NR2F1: variants seen among roughly 807,000 people sequenced by gnomAD.
The protein encoded by NR2F1 is COUP transcription factor 1.
A neutral mutation model predicts 37.7 loss-of-function variants in NR2F1; 1 was observed. The ratio of observed to expected loss-of-function variants is 0.03; its 90% CI spans 0.01 to 0.13. The LOEUF is 0.13. Ranked by LOEUF, NR2F1 falls within the 10% of genes least tolerant of loss-of-function variation. The pLI is 1.00. For missense variants in NR2F1, 268 were observed against 578.4 expected, an observed-to-expected ratio of 0.46 and a Z score of 5.50; for synonymous variants, 275 against 259.6, an observed-to-expected ratio of 1.06 and a Z score of -0.57.
At chr5:93,585,803 C>T (rs1484147922) in intron 1 of NR2F1, among the ~76,000 whole-genome samples, 9 of 151,396 alleles carry the variant, frequency 5.9e-5, no homozygotes. Flanking sequence ...TGGATGTGCT[C>T]GGTGTGTGTC....
chr5:93,591,817 C>G (rs1010096484), intron 2 of NR2F1, among the ~76,000 whole-genome samples: 1 of 152,132 alleles, frequency 6.6e-6, no homozygotes, highest in Non-Finnish European at 1.5e-5. Flanking sequence ...GGGTCTGGGT[C>G]TGAGTGAGGG....
intron 1 of NR2F1, chr5:93,587,115 T>A (rs1303665549): frequency 6.6e-6 from 1 of 152,006 alleles, no homozygotes; most frequent in Non-Finnish European, 1.5e-5. Flanking sequence ...AGATGGTTAA[T>A]GAATCCAGTG....
intron 1 of NR2F1, chr5:93,587,338 AG>A (rs781146505): frequency 6.6e-6 from 1 of 152,126 alleles, no homozygotes; most frequent in Non-Finnish European, 1.5e-5. Flanking sequence ...GGGAGAAGGG[AG>A]GGGTGCAGGA....
rs1364375510 is a variant in NR2F1, at chr5:93,593,703, G to A, written c.1133G>A (p.Arg378His). The change falls in exon 3 of 3, where the codon CGC (arginine) becomes CAC (histidine). Residue 378 changes from arginine to histidine, a missense_variant. Around this residue, in one of 5 missense-constraint regions of NR2F1, gnomAD observed 99 missense variants for 191.9 expected, o/e 0.52. Transcript: ENST00000327111. This position sits in a 1 kb window ranked among gnomAD's most constrained non-coding sequence, Gnocchi z 5.6. ...GKLLLRLPSL[R>H]TVSSSVIEQL... Reference sequence around the variant, plus strand: ...CTGCTGCTGCGACTGCCCTCGCTGCGCACCGTGTCCTCCTCCGTCATCGAG... The same window carrying A: ...CTGCTGCTGCGACTGCCCTCGCTGCACACCGTGTCCTCCTCCGTCATCGAG... The A allele has an allele frequency of 2.5e-6, 4 of 1,614,054 alleles. No homozygotes were observed. Among genetic ancestry groups the A allele is most frequent in the African/African-American group, 2.7e-5 (2 of 74,916 alleles).
rs1753196299 is a variant in NR2F1 at position 93,584,821 on chromosome 5, A to AGCGGCGGCAGCGGCG, written c.-194_-180dup. The AGCGGCGGCAGCGGCG allele has an allele frequency of 1.3e-5, 2 of 156,016 alleles. No individual in the cohort carries two copies. The highest frequency in any genetic ancestry group is 3.5e-4 in the South Asian group (2 of 5,734). 9.7% of individuals were successfully genotyped at this position (156,016 alleles called of 1,614,324 possible). A position where few individuals can be genotyped will look rare whatever the true frequency, so the allele number is the denominator to read the frequency against. ...GCAGCAGCGGGGCGGCCGAGGCAGT[A>AGCGGCGGCAGCGGCG]GCGGCGGCAGCGGCGGCGGCGGCGG... On this transcript the variant is annotated 5_prime_UTR_variant, in exon 1 of 3. Coordinates refer to ENST00000327111, the MANE Select transcript of NR2F1 (RefSeq NM_005654.6).
chr5:93,585,458 G>A lies in NR2F1; in HGVS notation c.435G>A (p.Lys145=). 2 of 1,613,416 alleles carry A rather than the reference G, an allele frequency of 1.2e-6. No individual in the cohort carries two copies. Among genetic ancestry groups the A allele is most frequent in the Non-Finnish European group, 1.7e-6 (2 of 1,179,438 alleles). Residue 145 remains lysine, a synonymous_variant, in exon 1 of 3, where the codon AAG becomes AAA. Transcript: ENST00000327111. ...AGTGCCAATACTGCCGCCTCAAGAA[G>A]TGCCTCAAAGTGGGCATGAGGCGGG... The part of the protein sequence containing the change: ...RNQCQYCRLK[K]CLKVGMRREA...
chr5:93,584,671 G>C lies in NR2F1; in HGVS notation c.-353G>C, dbSNP rs1051111216. ...GCGGCCCCCCCAGGAACGGAGCGCGGGGGGAGCGGGCGAGGGGAGCAGGGG... is the reference window on the plus strand; with the variant it reads ...GCGGCCCCCCCAGGAACGGAGCGCGCGGGGAGCGGGCGAGGGGAGCAGGGG... On this transcript the variant is annotated 5_prime_UTR_variant, in exon 1 of 3. Coordinates refer to ENST00000327111, the MANE Select transcript of NR2F1 (RefSeq NM_005654.6). The C allele has an allele frequency of 1.5e-4, 22 of 149,154 alleles. 1 individual carries two copies. Among genetic ancestry groups the C allele is most frequent in the African/African-American group, 4.6e-4 (19 of 41,178 alleles). The allele number at this position is 149,154 out of a possible 1,614,324, so 9.2% of individuals were successfully genotyped here.
At position 93,583,845 on chromosome 5, in the gene NR2F1, T is replaced by G. The variant is rs1432373173; in HGVS notation, c.-1179T>G. ...ATTATTTTCTTCTGATTTTTATTTT[T>G]TCTATTTCGCTGTGATTTCGTCGCC... On this transcript the variant is annotated 5_prime_UTR_variant, in exon 1 of 3. Coordinates refer to ENST00000327111, the MANE Select transcript of NR2F1 (RefSeq NM_005654.6). 2 of 152,450 alleles carry G rather than the reference T, an allele frequency of 1.3e-5. No individual in the cohort carries two copies. Among genetic ancestry groups the G allele is most frequent in the African/African-American group, 4.8e-5 (2 of 41,442 alleles). 9.4% of individuals were successfully genotyped at this position (152,450 alleles called of 1,614,324 possible). A position where few individuals can be genotyped will look rare whatever the true frequency, so the allele number is the denominator to read the frequency against.
At chr5:93,587,110 G>T (rs1753246153) in intron 1 of NR2F1, 1 of 152,064 alleles carries the variant, frequency 6.6e-6, no homozygotes, top group Admixed American at 6.5e-5. Context: ...CATTCAGATG[G>T]TTAATGAATC....
Position 93,594,570 on chromosome 5 carries a change from T to C in NR2F1, c.*728T>C, listed in dbSNP as rs1306168498. On this transcript the variant is annotated 3_prime_UTR_variant, in exon 3 of 3. Transcript: ENST00000327111. ...CGAGGCTGTTCTTCAAGAATTAAAATTGAAGTGAAAATTTAAACAAAAATA... is the reference window on the plus strand; with the variant it reads ...CGAGGCTGTTCTTCAAGAATTAAAACTGAAGTGAAAATTTAAACAAAAATA... 1 of 152,228 alleles carries C rather than the reference T, an allele frequency of 6.6e-6. No homozygotes were observed. The highest frequency in any genetic ancestry group is 1.5e-5 in the Non-Finnish European group (1 of 68,044). 9.4% of individuals were successfully genotyped at this position (152,228 alleles called of 1,614,324 possible). A position where few individuals can be genotyped will look rare whatever the true frequency, so the allele number is the denominator to read the frequency against.
chr5:93,585,913 T>C (rs1417972623), intron 1 of NR2F1, among the ~76,000 whole-genome samples: 1 of 152,046 alleles, frequency 6.6e-6, no homozygotes, highest in Non-Finnish European at 1.5e-5. Context: ...GTGGTTTTTT[T>C]TCATTCCACT....
In NR2F1 at chr5:93,588,960, G is replaced by C. The variant is rs1264236801; in HGVS notation, c.991+516G>C. Among the ~76,000 whole-genome samples the C allele has an allele frequency of 3.9e-5, 6 of 152,148 alleles. 1 individual carries two copies. Among genetic ancestry groups the C allele is most frequent in the Non-Finnish European group, 4.4e-5 (3 of 68,026 alleles). On this transcript the variant is annotated intron_variant, in intron 2 of 2. Transcript: ENST00000327111. Reference sequence around the variant, plus strand: ...TTGAATGAATTTCCCGACACAGAGAGACACAGAGAGAGGTGGAAAGAGAAG... The same window carrying C: ...TTGAATGAATTTCCCGACACAGAGACACACAGAGAGAGGTGGAAAGAGAAG...
Position 93,588,067 on chromosome 5 carries a change from G to A in NR2F1, c.614G>A (p.Ser205Asn). 1 of 1,614,122 alleles carries A rather than the reference G, an allele frequency of 6.2e-7. No homozygotes were observed. Among genetic ancestry groups the A allele is most frequent in the Non-Finnish European group, 8.5e-7 (1 of 1,179,998 alleles). ...AEPYPTSRYG[S>N]QCMQPNNIMG... ...CCCTACCCCACGTCGCGCTACGGCA[G>A]CCAGTGCATGCAGCCCAACAACATT... The change falls in exon 2 of 3, where the codon AGC (serine) becomes AAC (asparagine). Residue 205 changes from serine (S) to asparagine (N), a missense_variant. Physicochemically the swap from Ser to Asn is conservative, Grantham distance 46 (BLOSUM62 1). Transcript: ENST00000327111.
rs974916569 is a variant in NR2F1 at position 93,593,045 on chromosome 5, G to T, written c.992-517G>T. Among the ~76,000 whole-genome samples the T allele has an allele frequency of 1.3e-5, 2 of 152,098 alleles. No homozygotes were observed. Among genetic ancestry groups the T allele is most frequent in the Non-Finnish European group, 2.9e-5 (2 of 68,024 alleles). On this transcript the variant is annotated intron_variant, in intron 2 of 2. Coordinates refer to ENST00000327111, the MANE Select transcript of NR2F1 (RefSeq NM_005654.6). This position sits in a 1 kb window ranked among gnomAD's most constrained non-coding sequence, Gnocchi z 5.6. ...CTCCTGGAGGTTTCTGGTTGGGGTG[G>T]TTTGGGTTTGAGAGGGGACTCCAGG...
rs1753367057 is a variant in NR2F1, at chr5:93,593,380, G to C, written c.992-182G>C. On this transcript the variant is annotated intron_variant, in intron 2 of 2. Transcript: ENST00000327111. The surrounding 1 kb of genome is among the most constrained non-coding windows in gnomAD (Gnocchi z 5.6). Reference sequence around the variant, plus strand: ...TTTGTATTGTATTGGGGGCGGGGGAGGAGGGAATGAAGAAGGGGATGGAGA... The same window carrying C: ...TTTGTATTGTATTGGGGGCGGGGGACGAGGGAATGAAGAAGGGGATGGAGA... 6.6e-6 allele frequency among the ~76,000 whole-genome samples: 1 copy of C among 152,070 alleles called. No individual in the cohort carries two copies. Among genetic ancestry groups the C allele is most frequent in the African/African-American group, 2.4e-5 (1 of 41,394 alleles).
chr5:93,588,460 CGGGGAGGG>C lies in NR2F1; in HGVS notation c.991+17_991+24del. The stretch of plus-strand genomic sequence containing the variant: ...TTCACGTCAGGTGAGGCTGCGGTCG[CGGGGAGGG>C]CAGGCCGCGCCGGCAGCGAGCGCAG... On this transcript the variant is annotated intron_variant, in intron 2 of 2. Transcript: ENST00000327111. 1.3e-6 allele frequency: 2 copies of C among 1,532,532 alleles called. No individual in the cohort carries two copies. The highest frequency in any genetic ancestry group is 1.9e-5 in the Admixed American group (1 of 51,616). 94.9% of individuals were successfully genotyped at this position (1,532,532 alleles called of 1,614,324 possible).
At position 93,586,531 on chromosome 5, in the gene NR2F1, A is replaced by G. The variant is rs1212378622; in HGVS notation, c.463+1045A>G. Among the ~76,000 whole-genome samples, 4 of 152,242 alleles carry G rather than the reference A, an allele frequency of 2.6e-5. No homozygotes were observed. The East Asian group carries it at 7.7e-4, about 29-fold the overall frequency. On this transcript the variant is annotated intron_variant, in intron 1 of 2. Coordinates refer to ENST00000327111, the MANE Select transcript of NR2F1 (RefSeq NM_005654.6). ...TACAGTTAAAGTTTATCTCTTGACAATCATTAAAGATGTCTTATAGTCAAA... is the reference window on the plus strand; with the variant it reads ...TACAGTTAAAGTTTATCTCTTGACAGTCATTAAAGATGTCTTATAGTCAAA...
chr5:93,587,841 G>T, intron 1 of NR2F1, 76 bp from the exon 2 acceptor site: 1 of 1,435,638 alleles, frequency 7.0e-7, no homozygotes, highest in Non-Finnish European at 9.5e-7. Flanking sequence ...GCATTGTGTT[G>T]GGTACGCTGC....
intron 1 of NR2F1, chr5:93,587,265 GA>G (rs1042623477): frequency 6.6e-6 from 1 of 151,892 alleles, no homozygotes; most frequent in Non-Finnish European, 1.5e-5. Flanking sequence ...TTTTTTTCTT[GA>G]AAATTTTCAA....
Sources: gnomAD v4.1 joint callset for allele counts (sites outside exome capture counted in the v4.1 genomes callset) on GRCh38, gnomAD v4.1.1 for gene constraint, gnomAD v4.1.1 regional missense constraint, Gnocchi (gnomAD v3.1) non-coding constraint, MANE v1.5 for transcripts, NCBI Gene and HGNC (gene_info 2026-07-23, HGNC 2026-07-21) for gene names.